The following ATP8B4 variants were observed in gnomAD, a reference collection of about 807,000 sequenced individuals.
ATP8B4 encodes ATPase phospholipid transporting 8B4 (putative).
A neutral mutation model predicts 145.6 loss-of-function variants in ATP8B4; 133 were observed. That is an observed-to-expected ratio of 0.91 (90% CI 0.79 to 1.05). ATP8B4 has a LOEUF of 1.05. ATP8B4 is among the 50% of genes least tolerant of loss of function. The probability of loss-of-function intolerance (pLI) is 0.00; values close to 1 mark genes in which losing one functional copy is unlikely to be tolerated. For synonymous variants in ATP8B4, 507 were observed against 492.9 expected, an observed-to-expected ratio of 1.03 and a Z score of -0.38; for missense variants, 1,458 against 1,425.2, an observed-to-expected ratio of 1.02 and a Z score of -0.37.
At position 50,010,902 on chromosome 15, in the gene ATP8B4, T is replaced by C. The variant is rs768510716; in HGVS notation, c.378A>G (p.Lys126=). The C allele has an allele frequency of 4.5e-6, 7 of 1,555,822 alleles. No individual in the cohort carries two copies. In the East Asian group the frequency reaches 1.2e-4, roughly 27 times the overall value. The change falls in exon 7 of 28, where the codon AAA becomes AAG. Residue 126 remains lysine (K), a synonymous_variant. Coordinates refer to ENST00000284509, the MANE Select transcript of ATP8B4 (RefSeq NM_024837.4). ...VLINSKLQNE[K]WMNVKVGDII... Reference sequence around the variant, plus strand: ...TGTCTCCCACTTTGACATTCATCCATTTTTCATTCTGCAGTCTAAAAACAA... The same window carrying C: ...TGTCTCCCACTTTGACATTCATCCACTTTTCATTCTGCAGTCTAAAAACAA...
chr15:49,918,063 T>C (rs1198761892), intron 19 of ATP8B4, among the ~76,000 whole-genome samples: 1 of 152,230 alleles, frequency 6.6e-6, no homozygotes, highest in Non-Finnish European at 1.5e-5. Flanking sequence ...AATAAGTAGA[T>C]AGAATTTTAA....
rs4494482 is a variant in ATP8B4 at position 49,859,969 on chromosome 15, T to G, written c.*225A>C. ...AAAAATCTGTACTTGTAACAGCGAGTGTTTTGTCCACCAAATCACAAACCA... is the reference window on the plus strand; with the variant it reads ...AAAAATCTGTACTTGTAACAGCGAGGGTTTTGTCCACCAAATCACAAACCA... On this transcript the variant is annotated 3_prime_UTR_variant, in exon 28 of 28. Coordinates refer to ENST00000284509, the MANE Select transcript of ATP8B4 (RefSeq NM_024837.4). The G allele has an allele frequency of 6.3e-6, 3 of 479,538 alleles. No individual in the cohort carries two copies. The highest frequency in any genetic ancestry group is 2.0e-5 in the African/African-American group (1 of 50,110). 29.7% of individuals were successfully genotyped at this position (479,538 alleles called of 1,614,324 possible).
intron 14 of ATP8B4, among the ~76,000 whole-genome samples, chr15:49,941,362 C>T (rs2042150623): frequency 1.3e-5 from 2 of 152,164 alleles, no homozygotes; most frequent in Non-Finnish European, 2.9e-5. Context: ...AACATGCTGA[C>T]TCTGGGTTAG....
At chr15:50,086,526 C>A in intron 2 of ATP8B4, among the ~76,000 whole-genome samples, 2 of 78,740 alleles carry the variant, frequency 2.5e-5, no homozygotes, top group Admixed American at 1.6e-4. Flanking sequence ...ATATAGAGAT[C>A]TATATTTATT....
At chr15:50,089,724 C>T (rs1285667872) in intron 2 of ATP8B4, among the ~76,000 whole-genome samples, 3 of 151,314 alleles carry the variant, frequency 2.0e-5, no homozygotes, top group South Asian at 2.1e-4. Context: ...AGTGCAATGG[C>T]GCGATCTTGA....
At chr15:50,079,199 A>T (rs1165337274) in intron 2 of ATP8B4, among the ~76,000 whole-genome samples, 1 of 152,184 alleles carries the variant, frequency 6.6e-6, no homozygotes, top group Non-Finnish European at 1.5e-5. Flanking sequence ...ACCCATAAAT[A>T]GATATACCTA....
intron 14 of ATP8B4, among the ~76,000 whole-genome samples, chr15:49,943,926 C>G (rs1273219475): frequency 6.6e-6 from 1 of 152,132 alleles, no homozygotes; most frequent in African/African-American, 2.4e-5. Context: ...CTTAAAGGTA[C>G]ATAAAATGAA....
intron 1 of ATP8B4, among the ~76,000 whole-genome samples, chr15:50,113,544 G>A (rs551559476): frequency 1.1e-4 from 17 of 152,142 alleles, no homozygotes; most frequent in Admixed American, 2.0e-4. Flanking sequence ...GTGTGTAAAA[G>A]CCAAATTTAT....
Position 50,072,924 on chromosome 15 carries a change from CTCTCTCTCTCT to C in ATP8B4, c.87+1192_87+1202del, listed in dbSNP as rs2053848570. Among the ~76,000 whole-genome samples the C allele has an allele frequency of 5.1e-3, 54 of 10,550 alleles. 3 individuals carry two copies. The highest frequency in any genetic ancestry group is 0.014 in the African/African-American group (43 of 2,984). The allele number at this position is 10,550 out of a possible 152,430, so 6.9% of individuals were successfully genotyped here. ...AGGCATGAGTCACTGTGCCCGGCCT[CTCTCTCTCTCT>C]CTCTCTCTCTCTCTCTCTCTCTCTC... On this transcript the variant is annotated intron_variant, in intron 3 of 27. Transcript: ENST00000284509.
chr15:50,064,343 G>C (rs530668390), intron 3 of ATP8B4, among the ~76,000 whole-genome samples: 1 of 152,126 alleles, frequency 6.6e-6, no homozygotes, highest in African/African-American at 2.4e-5. Flanking sequence ...AGGACTGCTA[G>C]AGACACCAAG....
intron 1 of ATP8B4, among the ~76,000 whole-genome samples, chr15:50,170,094 G>C (rs893603235): frequency 3.3e-5 from 5 of 152,080 alleles, no homozygotes; most frequent in Non-Finnish European, 7.4e-5. Context: ...CTAAAAGCCT[G>C]GAAAATATAT....
intron 2 of ATP8B4, among the ~76,000 whole-genome samples, chr15:50,076,250 T>C (rs971765175): frequency 4.6e-5 from 7 of 152,082 alleles, no homozygotes; most frequent in African/African-American, 1.7e-4. Context: ...TCCCAGCACT[T>C]TGGGAGGCTG....
intron 7 of ATP8B4, among the ~76,000 whole-genome samples, chr15:50,004,252 G>A (rs562197813): frequency 1.2e-4 from 19 of 152,294 alleles, no homozygotes; most frequent in African/African-American, 4.3e-4. Flanking sequence ...GGCCCAGCGG[G>A]GCCGGGAGGA....
chr15:50,012,414 A>G (rs2048782371), intron 6 of ATP8B4, among the ~76,000 whole-genome samples: 1 of 152,184 alleles, frequency 6.6e-6, no homozygotes, highest in Admixed American at 6.6e-5. Context: ...TCTTATTTCC[A>G]AACTCTTATT....
chr15:50,080,174 A>G (rs1002490590), intron 2 of ATP8B4, among the ~76,000 whole-genome samples: 1 of 152,196 alleles, frequency 6.6e-6, no homozygotes, highest in Non-Finnish European at 1.5e-5. Context: ...ATAAAATCCA[A>G]TATAATTTGA....
At chr15:50,091,003 T>C (rs1046238963) in intron 2 of ATP8B4, among the ~76,000 whole-genome samples, 9 of 152,202 alleles carry the variant, frequency 5.9e-5, no homozygotes, top group Admixed American at 5.2e-4. Flanking sequence ...AAATATCATA[T>C]TTGGTTAGCT....
intron 25 of ATP8B4, among the ~76,000 whole-genome samples, chr15:49,872,790 ATTGGATCCTG>A (rs2033856885): frequency 1.2e-5 from 1 of 85,118 alleles, no homozygotes; most frequent in African/African-American, 4.5e-5. Context: ...GGGATCCTGG[ATTGGATCCTG>A]GATTGGATCC....
At chr15:50,020,156 A>G (rs192044034) in intron 6 of ATP8B4, among the ~76,000 whole-genome samples, 144 of 149,558 alleles carry the variant, frequency 9.6e-4, no homozygotes, top group Non-Finnish European at 1.9e-3. Context: ...GGTTTTGCCC[A>G]TTTGCCCAGG....
At chr15:49,898,011 G>T in intron 22 of ATP8B4, 57 bp downstream of exon 22, 14 of 1,572,720 alleles carry the variant, frequency 8.9e-6, no homozygotes, top group Non-Finnish European at 1.1e-5. Context: ...ATTGCCAAAT[G>T]CTGAAACTGA....
Sources: allele counts gnomAD v4.1 joint callset (sites outside exome capture counted in the v4.1 genomes callset), GRCh38; gene constraint gnomAD v4.1.1; transcripts MANE v1.5; gene names NCBI Gene and HGNC (gene_info 2026-07-23, HGNC 2026-07-21).